The following OR2T10 variants were observed in gnomAD, a reference collection of about 807,000 sequenced individuals.
The protein encoded by OR2T10 is olfactory receptor family 2 subfamily T member 10, also known as olfactory receptor 2T10.
For synonymous variants in OR2T10, 125 were observed against 141.8 expected (o/e 0.88, Z 0.84); for missense variants, 335 against 382.5 (o/e 0.88, Z 1.04).
Position 248,593,604 on chromosome 1 carries a change from CAG to C in OR2T10, c.163_164del (p.Leu55AlafsTer66), listed in dbSNP as rs1558163347. ...TTATAAAGAAGTACATGGGAGTATG[CAG>C]AGAGGAGTCAATGTGGATCAGAAGT... ...LILLIHIDSS[L>X]HTPMYFFINQ... On this transcript the variant is annotated frameshift_variant, in exon 2 of 2. Coordinates refer to ENST00000642090, the MANE Select transcript of OR2T10 (RefSeq NM_001004693.2). LOFTEE classifies it low-confidence loss of function (END_TRUNC). 1.3e-6 allele frequency: 2 copies of C among 1,564,856 alleles called. No homozygotes were observed. The highest frequency in any genetic ancestry group is 1.7e-5 in the Admixed American group (1 of 58,056).
rs1660040606 is a variant in OR2T10 at position 248,593,208 on chromosome 1, G to A, written c.561C>T (p.Leu187=). Residue 187 remains leucine, a synonymous_variant, in exon 2 of 2, where the codon CTC becomes CTT. Coordinates refer to ENST00000642090, the MANE Select transcript of OR2T10 (RefSeq NM_001004693.2). Reference sequence around the variant, plus strand: ...TGTAAAGTGAGGTGTCTGAGCAAGAGAGCTTCAAAACAGCAGGGACCTCAC... The same window carrying A: ...TGTAAAGTGAGGTGTCTGAGCAAGAAAGCTTCAAAACAGCAGGGACCTCAC... The part of the protein sequence containing the change: ...FFCEVPAVLK[L]SCSDTSLYKI... The A allele has an allele frequency of 6.4e-7, 1 of 1,573,122 alleles. No homozygotes were observed. The highest frequency in any genetic ancestry group is 1.5e-5 in the African/African-American group (1 of 66,804).
chr1:248,596,035 G>A (rs1239583188), intron 1 of OR2T10, among the ~76,000 whole-genome samples: 1 of 143,340 alleles, frequency 7.0e-6, no homozygotes, highest in Admixed American at 6.8e-5. Flanking sequence ...GTCATGGTAC[G>A]CCTGGACCAA....
chr1:248,595,716 G>A (rs1660080448), intron 1 of OR2T10, among the ~76,000 whole-genome samples: 1 of 143,084 alleles, frequency 7.0e-6, no homozygotes, highest in African/African-American at 2.8e-5. Context: ...GGAGCAGAAA[G>A]TAATTTTCTA....
In OR2T10 at chr1:248,597,564, G is replaced by A. The variant is rs920152158; in HGVS notation, c.-101C>T. The stretch of plus-strand genomic sequence containing the variant: ...AAGATACTTCCAGTATAGTCGTCCC[G>A]ATGAATGACAGCCTTGTCATTTTCG... On this transcript the variant is annotated 5_prime_UTR_variant, in exon 1 of 2. Coordinates refer to ENST00000642090, the MANE Select transcript of OR2T10 (RefSeq NM_001004693.2). 1 of 143,220 alleles carries A rather than the reference G, an allele frequency of 7.0e-6. No individual in the cohort carries two copies. Among genetic ancestry groups the A allele is most frequent in the Non-Finnish European group, 1.5e-5 (1 of 66,252 alleles). The allele number at this position is 143,220 out of a possible 1,614,324, so 8.9% of individuals were successfully genotyped here.
Position 248,595,279 on chromosome 1 carries a change from AAT to A in OR2T10, c.-28-1485_-28-1484del, listed in dbSNP as rs1249858392. ...ATAGTTTTAGATATCATTAATGTTC[AAT>A]ATATTAATAACGTGTCAAATGTTTA... On this transcript the variant is annotated intron_variant, in intron 1 of 1. Transcript: ENST00000642090. 2.1e-5 allele frequency among the ~76,000 whole-genome samples: 3 copies of A among 143,886 alleles called. No individual in the cohort carries two copies. The East Asian group carries it at 6.0e-4, about 29-fold the overall frequency. The allele number at this position is 143,886 out of a possible 152,430, so 94.4% of individuals were successfully genotyped here.
rs753799830 is a variant in OR2T10, at chr1:248,593,352, C to G, written c.417G>C (p.Arg139Ser). The part of the protein sequence containing the change: ...PLRYSVLMSH[R>S]VCLLLASGCW... ...AGCCTGATGCCAGGAGGAGACATAC[C>G]CTATGGCTCATGAGCACAGAGTAAC... Residue 139 changes from arginine (R) to serine (S), a missense_variant, in exon 2 of 2, where the codon AGG (arginine) becomes AGC (serine). Transcript: ENST00000642090. 3 of 1,572,886 alleles carry G rather than the reference C, an allele frequency of 1.9e-6. No individual in the cohort carries two copies. Among genetic ancestry groups the G allele is most frequent in the Non-Finnish European group, 1.7e-6 (2 of 1,156,962 alleles).
In OR2T10 at chr1:248,591,995, A is replaced by G. The variant is rs1332868436; in HGVS notation, c.*835T>C. ...GCACATACGTAAAACTGTGATTTGA[A>G]ATTATATTCTAAGTATGTGTCACCA... On this transcript the variant is annotated 3_prime_UTR_variant, in exon 2 of 2. Transcript: ENST00000642090. The G allele has an allele frequency of 6.9e-6, 1 of 144,084 alleles. No homozygotes were observed. The highest frequency in any genetic ancestry group is 1.5e-5 in the Non-Finnish European group (1 of 66,452). 8.9% of individuals were successfully genotyped at this position (144,084 alleles called of 1,614,324 possible). A position where few individuals can be genotyped will look rare whatever the true frequency, so the allele number is the denominator to read the frequency against.
In OR2T10 at chr1:248,593,186, A is replaced by G; in HGVS notation, c.583T>C (p.Tyr195His). 1 of 1,572,712 alleles carries G rather than the reference A, an allele frequency of 6.4e-7. No homozygotes were observed. Among genetic ancestry groups the G allele is most frequent in the African/African-American group, 1.5e-5 (1 of 66,884 alleles). The part of the protein sequence containing the change: ...LKLSCSDTSL[Y>H]KIFMYLCCVI... ...CAGCACAAGTACATGAAAATCTTGT[A>G]AAGTGAGGTGTCTGAGCAAGAGAGC... The change falls in exon 2 of 2, where the codon TAC becomes CAC. Residue 195 changes from tyrosine (Y) to histidine (H), a missense_variant. Transcript: ENST00000642090.
In OR2T10 at chr1:248,597,447, CATAT is replaced by C. The variant is rs1156556219; in HGVS notation, c.-29+41_-29+44del. 7.2e-4 allele frequency: 103 copies of C among 142,802 alleles called. 20 individuals are homozygous for C. The highest frequency in any genetic ancestry group is 2.5e-3 in the African/African-American group (92 of 36,380). The allele number at this position is 142,802 out of a possible 1,614,324, so 8.8% of individuals were successfully genotyped here. A position where few individuals can be genotyped will look rare whatever the true frequency, so the allele number is the denominator to read the frequency against. ...CAATTGATAATATAATTCTATAATA[CATAT>C]ATTATTAAAAGTTAATAACAATAAA... On this transcript the variant is annotated intron_variant, in intron 1 of 1. Coordinates refer to ENST00000642090, the MANE Select transcript of OR2T10 (RefSeq NM_001004693.2).
chr1:248,592,768 A>G lies in OR2T10; in HGVS notation c.*62T>C. The G allele has an allele frequency of 1.0e-6, 1 of 1,000,822 alleles. No homozygotes were observed. The highest frequency in any genetic ancestry group is 1.5e-6 in the Non-Finnish European group (1 of 679,534). 62.0% of individuals were successfully genotyped at this position (1,000,822 alleles called of 1,614,324 possible). On this transcript the variant is annotated 3_prime_UTR_variant, in exon 2 of 2. Coordinates refer to ENST00000642090, the MANE Select transcript of OR2T10 (RefSeq NM_001004693.2). ...CCACAATATGCTGATTGTTTGGTGG[A>G]AGGACACCTAAAGTGAAGAGAGACT...
Position 248,592,583 on chromosome 1 carries a change from T to C in OR2T10, c.*247A>G. 2.9e-6 allele frequency: 1 copy of C among 350,432 alleles called. No individual in the cohort carries two copies. 21.7% of individuals were successfully genotyped at this position (350,432 alleles called of 1,614,324 possible). On this transcript the variant is annotated 3_prime_UTR_variant, in exon 2 of 2. Transcript: ENST00000642090. ...CACATTTATTTTCATATTTCTCCACTGTAATCTAAAAAAAGGACCATTGGC... is the reference window on the plus strand; with the variant it reads ...CACATTTATTTTCATATTTCTCCACCGTAATCTAAAAAAAGGACCATTGGC...
chr1:248,592,622 A>ACT lies in OR2T10; in HGVS notation c.*206_*207dup. On this transcript the variant is annotated 3_prime_UTR_variant, in exon 2 of 2. Coordinates refer to ENST00000642090, the MANE Select transcript of OR2T10 (RefSeq NM_001004693.2). Reference sequence around the variant, plus strand: ...AGGACCATTGGCCCCGAAGGACTGGACTAGAGATCAATGCTACGAGGGAAG... The same window carrying ACT: ...AGGACCATTGGCCCCGAAGGACTGGACTCTAGAGATCAATGCTACGAGGGAAG... The ACT allele has an allele frequency of 2.3e-6, 1 of 439,396 alleles. No homozygotes were observed. Among genetic ancestry groups the ACT allele is most frequent in the Non-Finnish European group, 4.0e-6 (1 of 248,738 alleles). 27.2% of individuals were successfully genotyped at this position (439,396 alleles called of 1,614,324 possible). A position where few individuals can be genotyped will look rare whatever the true frequency, so the allele number is the denominator to read the frequency against.
In OR2T10 at chr1:248,597,524, A is replaced by G. The variant is rs1314822499; in HGVS notation, c.-61T>C. 3 of 143,438 alleles carry G rather than the reference A, an allele frequency of 2.1e-5. 1 individual carries two copies. Among genetic ancestry groups the G allele is most frequent in the African/African-American group, 8.2e-5 (3 of 36,490 alleles). 8.9% of individuals were successfully genotyped at this position (143,438 alleles called of 1,614,324 possible). A position where few individuals can be genotyped will look rare whatever the true frequency, so the allele number is the denominator to read the frequency against. On this transcript the variant is annotated 5_prime_UTR_variant, in exon 1 of 2. Coordinates refer to ENST00000642090, the MANE Select transcript of OR2T10 (RefSeq NM_001004693.2). ...AAGGAAGAAATGTAATACCCTGAGG[A>G]ATTTTATTTCCAATAAGATACTTCC... is the stretch of plus-strand genomic sequence containing the variant.
At position 248,596,903 on chromosome 1, in the gene OR2T10, C is replaced by T. The variant is rs367975042; in HGVS notation, c.-29+589G>A. On this transcript the variant is annotated intron_variant, in intron 1 of 1. Coordinates refer to ENST00000642090, the MANE Select transcript of OR2T10 (RefSeq NM_001004693.2). ...CTATCAACCATCTCCCACTCATCCA[C>T]ATCTTCCTGTTTTGGAGTCTGGGAG... is the stretch of plus-strand genomic sequence containing the variant. Among the ~76,000 whole-genome samples the T allele has an allele frequency of 6.3e-5, 9 of 142,532 alleles. 2 individuals are homozygous for T. Among genetic ancestry groups the T allele is most frequent in the Admixed American group, 2.1e-4 (3 of 14,616 alleles). The allele number at this position is 142,532 out of a possible 152,430, so 93.5% of individuals were successfully genotyped here.
chr1:248,592,592 A>T lies in OR2T10; in HGVS notation c.*238T>A, dbSNP rs1395572114. Reference sequence around the variant, plus strand: ...TTTCATATTTCTCCACTGTAATCTAAAAAAAGGACCATTGGCCCCGAAGGA... The same window carrying T: ...TTTCATATTTCTCCACTGTAATCTATAAAAAGGACCATTGGCCCCGAAGGA... On this transcript the variant is annotated 3_prime_UTR_variant, in exon 2 of 2. Coordinates refer to ENST00000642090, the MANE Select transcript of OR2T10 (RefSeq NM_001004693.2). 2 of 363,568 alleles carry T rather than the reference A, an allele frequency of 5.5e-6. No homozygotes were observed. Among genetic ancestry groups the T allele is most frequent in the Non-Finnish European group, 9.8e-6 (2 of 204,428 alleles). 22.5% of individuals were successfully genotyped at this position (363,568 alleles called of 1,614,324 possible).
At position 248,593,760 on chromosome 1, in the gene OR2T10, C is replaced by T. The variant is rs1380294263; in HGVS notation, c.9G>A (p.Leu3=). MR[L]ANQTLGGDFF... ...AGTCACCACCCAGGGTCTGGTTGGC[C>T]AGCCGCATGCTGTATGATCGGCTGA... The change falls in exon 2 of 2, where the codon CTG becomes CTA. Residue 3 remains leucine, a synonymous_variant. Transcript: ENST00000642090. 3 of 1,537,920 alleles carry T rather than the reference C, an allele frequency of 2.0e-6. No homozygotes were observed. The highest frequency in any genetic ancestry group is 1.7e-5 in the Admixed American group (1 of 57,794).
At chr1:248,597,396 TTAAC>T (rs1660108427) in intron 1 of OR2T10, 92 bp downstream of exon 1, 1 of 143,064 alleles carries the variant, frequency 7.0e-6, no homozygotes, top group South Asian at 2.2e-4. Flanking sequence ...TAAATATATA[TTAAC>T]TGTTACATTG....
In OR2T10 at chr1:248,593,396, C is replaced by G. The variant is rs777497553; in HGVS notation, c.373G>C (p.Ala125Pro). ...GAGTAACGGAGAGGATGGCAGATAG[C>G]CACATAGCGGTCATAGGCCATGGCG... is the stretch of plus-strand genomic sequence containing the variant. ...LAAMAYDRYV[A>P]ICHPLRYSVL... The change falls in exon 2 of 2, where the codon GCT (alanine) becomes CCT (proline). Residue 125 changes from alanine to proline, a missense_variant. By Grantham distance (27) the Ala-to-Pro change is conservative. Coordinates refer to ENST00000642090, the MANE Select transcript of OR2T10 (RefSeq NM_001004693.2). 8 of 1,572,470 alleles carry G rather than the reference C, an allele frequency of 5.1e-6. 2 individuals carry two copies. The highest frequency in any genetic ancestry group is 1.7e-5 in the Admixed American group (1 of 58,326).
rs1000737600 is a variant in OR2T10, at chr1:248,591,901, T to C, written c.*929A>G. 7.6e-6 allele frequency: 1 copy of C among 131,360 alleles called. No homozygotes were observed. The highest frequency in any genetic ancestry group is 3.5e-3 in the Middle Eastern group (1 of 288). 8.1% of individuals were successfully genotyped at this position (131,360 alleles called of 1,614,324 possible). ...CATACATGTCACGCACTAAAAATGG[T>C]GCCAGATCATAATAATCACACAAGA... On this transcript the variant is annotated 3_prime_UTR_variant, in exon 2 of 2. Transcript: ENST00000642090.
Sources: gnomAD v4.1 joint callset for allele counts (sites outside exome capture counted in the v4.1 genomes callset) on GRCh38, gnomAD v4.1.1 for gene constraint, MANE v1.5 for transcripts, NCBI Gene and HGNC (gene_info 2026-07-23, HGNC 2026-07-21) for gene names.